Variants in CABIN1 observed in about 807,000 individuals in gnomAD.
CABIN1 encodes the protein calcineurin binding protein 1.
Under a neutral mutation model 227.7 loss-of-function variants are expected in CABIN1, and 133 were observed. The observed-to-expected ratio is 0.58, with a 90% CI of 0.51 to 0.67. The LOEUF is 0.67. CABIN1 is among the 30% of genes least tolerant of loss of function. The pLI, the probability that CABIN1 is intolerant of heterozygous loss-of-function variation, is 0.00. For synonymous variants in CABIN1, 1,086 were observed against 1,155.1 expected (o/e 0.94, Z 1.21); for missense variants, 2,408 against 2,852.5 (o/e 0.84, Z 3.55).
intron 19 of CABIN1, among the ~76,000 whole-genome samples, chr22:24,079,854 CTG>C (rs1215234828): frequency 2.0e-5 from 3 of 152,078 alleles, no homozygotes; most frequent in Non-Finnish European, 4.4e-5. Context: ...CATATTGTGT[CTG>C]TGTGCTTAGT....
rs201997181 is a variant in CABIN1 at position 24,167,341 on chromosome 22, A to G, written c.5682+28A>G. 8 of 1,597,730 alleles carry G rather than the reference A, an allele frequency of 5.0e-6. No homozygotes were observed. The African/African-American group carries it at 8.0e-5, about 16-fold the overall frequency. On this transcript the variant is annotated intron_variant, in intron 32 of 36. Transcript: ENST00000263119. ...GGGTGGCAGGCAGAGGCCTGGGGGC[A>G]CTAGTCTGCTGGCAGCATCCCCACT...
intron 13 of CABIN1, 98 bp downstream of exon 13, chr22:24,062,123 T>C (rs2039236584): frequency 1.0e-6 from 1 of 990,650 alleles, no homozygotes; most frequent in Non-Finnish European, 1.6e-6. Context: ...AATTTAGCCT[T>C]ATATCTACAG....
chr22:24,095,601 A>T, intron 24 of CABIN1, among the ~76,000 whole-genome samples: 1 of 152,212 alleles, frequency 6.6e-6, no homozygotes, highest in East Asian at 1.9e-4. Context: ...GAAGGGCACA[A>T]AGAGAACAGC....
intron 25 of CABIN1, among the ~76,000 whole-genome samples, chr22:24,096,443 G>A (rs1190800214): frequency 1.3e-5 from 2 of 152,152 alleles, no homozygotes; most frequent in Non-Finnish European, 2.9e-5. Context: ...TCTCACCCCT[G>A]GGTCCTTTGC....
rs750428201 is a variant in CABIN1 at position 24,043,081 on chromosome 22, A to G, written c.523A>G (p.Thr175Ala). 1 of 1,613,636 alleles carries G rather than the reference A, an allele frequency of 6.2e-7. No homozygotes were observed. The highest frequency in any genetic ancestry group is 1.1e-5 in the South Asian group (1 of 91,076). ...TGTCCTGTACACCCTCAGTGATTAC[A>G]CAAGTGAGTCATGCTTTGATGCTTT... ...ITVLYTLSDYTTCLYFICKAL... is the reference protein window; with the variant it reads ...ITVLYTLSDYATCLYFICKAL... The change falls in exon 6 of 37, where the codon ACA becomes GCA. Residue 175 changes from threonine to alanine, a missense_variant. Coordinates refer to ENST00000263119, the MANE Select transcript of CABIN1 (RefSeq NM_012295.4).
At chr22:24,148,281 G>A (rs1040278540) in intron 29 of CABIN1, among the ~76,000 whole-genome samples, 4 of 152,250 alleles carry the variant, frequency 2.6e-5, no homozygotes, top group African/African-American at 9.6e-5. Flanking sequence ...GTGTCTTTAT[G>A]GCAGGGCCAT....
rs2047164469 is a variant in CABIN1, at chr22:24,177,168, G to A, written c.6206-336G>A. ...AGACACCAATAGGACATGCATCCTA[G>A]GATGGTTGTGGAAATACGACAGTTC... is the stretch of plus-strand genomic sequence containing the variant. On this transcript the variant is annotated intron_variant, in intron 35 of 36. Coordinates refer to ENST00000263119, the MANE Select transcript of CABIN1 (RefSeq NM_012295.4). This position sits in a 1 kb window ranked among gnomAD's most constrained non-coding sequence, Gnocchi z 4.4. Among the ~76,000 whole-genome samples the A allele has an allele frequency of 6.6e-6, 1 of 152,198 alleles. No homozygotes were observed. The highest frequency in any genetic ancestry group is 6.5e-5 in the Admixed American group (1 of 15,288).
chr22:24,175,743 C>G, intron 34 of CABIN1: 1 of 377,054 alleles, frequency 2.7e-6, no homozygotes, highest in Non-Finnish European at 5.0e-6. Flanking sequence ...CTGAATGCTG[C>G]TTATGTGAGC....
At chr22:24,073,334 ATG>A (rs1232310128) in intron 18 of CABIN1, among the ~76,000 whole-genome samples, 2 of 151,956 alleles carry the variant, frequency 1.3e-5, no homozygotes, top group African/African-American at 2.4e-5. Context: ...TTAGAATAAT[ATG>A]TGTCTATTGA....
At chr22:24,170,030 G>A (rs1354955975) in intron 33 of CABIN1, 6 of 426,854 alleles carry the variant, frequency 1.4e-5, no homozygotes, top group Non-Finnish European at 2.9e-5. Context: ...GCTGCTGGGC[G>A]ACGCCAGGCC....
At chr22:24,176,537 C>T (rs989579545) in intron 35 of CABIN1, among the ~76,000 whole-genome samples, 4 of 152,158 alleles carry the variant, frequency 2.6e-5, no homozygotes, top group East Asian at 1.9e-4. Context: ...CCTGGCATCA[C>T]GGAGGGGTAC....
In CABIN1 at chr22:24,107,091, G is replaced by A. The variant is rs566453036; in HGVS notation, c.4118-6475G>A. ...TGGTGCTGCCCCCTTGGTAGTGGGC[G>A]GGAACCTTGGCAAGCACCTCCCCCA... On this transcript the variant is annotated intron_variant, in intron 26 of 36. Coordinates refer to ENST00000263119, the MANE Select transcript of CABIN1 (RefSeq NM_012295.4). Among the ~76,000 whole-genome samples the A allele has an allele frequency of 3.9e-5, 6 of 152,194 alleles. No homozygotes were observed. In the East Asian group the frequency reaches 9.7e-4, roughly 25 times the overall value.
At position 24,084,638 on chromosome 22, in the gene CABIN1, T is replaced by A; in HGVS notation, c.2970T>A (p.Leu990=). 1 of 1,614,140 alleles carries A rather than the reference T, an allele frequency of 6.2e-7. No individual in the cohort carries two copies. Among genetic ancestry groups the A allele is most frequent in the Non-Finnish European group, 8.5e-7 (1 of 1,180,012 alleles). The change falls in exon 21 of 37, where the codon CTT becomes CTA. Residue 990 remains leucine (L), a synonymous_variant. Transcript: ENST00000263119. ...FMFEYFKPKT[L]PEFDSYKTST... The stretch of plus-strand genomic sequence containing the variant: ...TTGAGTATTTTAAGCCCAAGACCCT[T>A]CCTGAATTTGACAGCTATAAGACCA...
chr22:24,163,763 G>T (rs895401776), intron 29 of CABIN1, among the ~76,000 whole-genome samples: 3 of 152,194 alleles, frequency 2.0e-5, no homozygotes, highest in Non-Finnish European at 2.9e-5. Flanking sequence ...TGATAGGTAG[G>T]GGGTGCCCAG....
intron 28 of CABIN1, among the ~76,000 whole-genome samples, chr22:24,125,108 A>T (rs1803205059): frequency 6.6e-6 from 1 of 152,196 alleles, no homozygotes; most frequent in South Asian, 2.1e-4. Context: ...CACTCAGATG[A>T]GGTATGAGGA....
At chr22:24,090,854 G>C (rs2041499405) in intron 23 of CABIN1, among the ~76,000 whole-genome samples, 1 of 152,152 alleles carries the variant, frequency 6.6e-6, no homozygotes, top group Non-Finnish European at 1.5e-5. Context: ...GAGCAGCTCT[G>C]TGGGCTTGCA....
At chr22:24,100,761 G>T (rs2147458614) in intron 26 of CABIN1, among the ~76,000 whole-genome samples, 1 of 152,340 alleles carries the variant, frequency 6.6e-6, no homozygotes, top group Admixed American at 6.5e-5. Flanking sequence ...CTGATTTCCA[G>T]TCCCAGCTCC....
chr22:24,169,828 G>A (rs113037659), intron 33 of CABIN1, among the ~76,000 whole-genome samples: 2,575 of 152,368 alleles, frequency 0.017, 64 homozygotes, highest in African/African-American at 0.058. Flanking sequence ...ACACTGTAGC[G>A]TGAGAAGAAA....
At chr22:24,078,814 T>G (rs2040610003) in intron 19 of CABIN1, among the ~76,000 whole-genome samples, 1 of 152,094 alleles carries the variant, frequency 6.6e-6, no homozygotes, top group Non-Finnish European at 1.5e-5. Context: ...CAAGAAAGCA[T>G]GCTCTTCACT....
Sources: gnomAD v4.1 joint callset for allele counts (sites outside exome capture counted in the v4.1 genomes callset) on GRCh38, gnomAD v4.1.1 for gene constraint, Gnocchi (gnomAD v3.1) non-coding constraint, MANE v1.5 for transcripts, NCBI Gene and HGNC (gene_info 2026-07-23, HGNC 2026-07-21) for gene names.